The following LUC7L3 variants were observed in gnomAD, a reference collection of about 807,000 sequenced individuals.
The protein encoded by LUC7L3 is LUC7 like 3 pre-mRNA splicing factor, also known as luc7-like protein 3.
In LUC7L3, 6 loss-of-function variants were observed where a neutral mutation model predicts 66.8. The observed-to-expected ratio is 0.09, with a 90% CI of 0.05 to 0.18. The LOEUF (loss-of-function observed/expected upper bound fraction) is 0.18. Ranked by LOEUF, LUC7L3 falls within the 10% of genes least tolerant of loss-of-function variation. LUC7L3 has a pLI of 1.00. For missense variants in LUC7L3, 341 were observed against 531.1 expected (o/e 0.64, Z 3.52); for synonymous variants, 160 against 174.7 (o/e 0.92, Z 0.66).
In LUC7L3 at chr17:50,754,063, G is replaced by A. The variant is rs1376397060; in HGVS notation, c.*3402G>A. ...CTGATTGTTGCTAACCAGCTCACAA[G>A]AATCCAGTATTGAGACCAGTTCACT... On this transcript the variant is annotated 3_prime_UTR_variant, in exon 10 of 10. Transcript: ENST00000505658. The A allele has an allele frequency of 6.6e-6, 1 of 152,158 alleles. No homozygotes were observed. Among genetic ancestry groups the A allele is most frequent in the Non-Finnish European group, 1.5e-5 (1 of 68,030 alleles). 9.4% of individuals were successfully genotyped at this position (152,158 alleles called of 1,614,324 possible). A position where few individuals can be genotyped will look rare whatever the true frequency, so the allele number is the denominator to read the frequency against.
At chr17:50,744,396 T>A (rs1191327533) in intron 6 of LUC7L3, among the ~76,000 whole-genome samples, 1 of 152,220 alleles carries the variant, frequency 6.6e-6, no homozygotes, top group Non-Finnish European at 1.5e-5. Flanking sequence ...GTGATTTAAA[T>A]TTTGTAAGGT....
intron 1 of LUC7L3, among the ~76,000 whole-genome samples, chr17:50,725,891 A>T (rs1433171831): frequency 6.6e-6 from 1 of 152,212 alleles, no homozygotes; most frequent in Non-Finnish European, 1.5e-5. Flanking sequence ...TGGTGCCACT[A>T]GCAGTCCAGA....
chr17:50,753,840 TAATA>T lies in LUC7L3; in HGVS notation c.*3183_*3186del, dbSNP rs1425014893. ...ACGTCTAACTAACTTAAATGAAGTATAATAAATGAGTTCATATGAAAAGGCTTCC... is the reference window on the plus strand; with the variant it reads ...ACGTCTAACTAACTTAAATGAAGTATAATGAGTTCATATGAAAAGGCTTCC... On this transcript the variant is annotated 3_prime_UTR_variant, in exon 10 of 10. Coordinates refer to ENST00000505658, the MANE Select transcript of LUC7L3 (RefSeq NM_016424.5). The T allele has an allele frequency of 6.6e-6, 1 of 152,194 alleles. No homozygotes were observed. The highest frequency in any genetic ancestry group is 1.5e-5 in the Non-Finnish European group (1 of 68,026). The allele number at this position is 152,194 out of a possible 1,614,324, so 9.4% of individuals were successfully genotyped here. A position where few individuals can be genotyped will look rare whatever the true frequency, so the allele number is the denominator to read the frequency against.
Position 50,746,462 on chromosome 17 carries a change from GTTAA to G in LUC7L3, c.978-74_978-71del, listed in dbSNP as rs148354743. On this transcript the variant is annotated intron_variant, in intron 8 of 9. Transcript: ENST00000505658. ...TAGAGGGTAAGTTTTGCCTAGTCTTGTTAATTAATAGCATCTACTCCAAGGCCTT... is the reference window on the plus strand; with the variant it reads ...TAGAGGGTAAGTTTTGCCTAGTCTTGTTAATAGCATCTACTCCAAGGCCTT... 1.5e-4 allele frequency: 197 copies of G among 1,288,566 alleles called. 3 individuals are homozygous for G. In the South Asian group the frequency reaches 2.5e-3, roughly 17 times the overall value. 79.8% of individuals were successfully genotyped at this position (1,288,566 alleles called of 1,614,324 possible).
chr17:50,733,281 T>C (rs1025195445), intron 1 of LUC7L3, among the ~76,000 whole-genome samples: 1 of 151,488 alleles, frequency 6.6e-6, no homozygotes, highest in Non-Finnish European at 1.5e-5. Context: ...TCTCGCTCTA[T>C]CACCCGGTGG....
At chr17:50,738,757 C>G (rs1970155652) in intron 2 of LUC7L3, among the ~76,000 whole-genome samples, 1 of 152,012 alleles carries the variant, frequency 6.6e-6, no homozygotes, top group Admixed American at 6.6e-5. Context: ...AGAATAAAAG[C>G]AGAGGGAATT....
chr17:50,737,367 A>T (rs1442481614), intron 2 of LUC7L3: 1 of 471,182 alleles, frequency 2.1e-6, no homozygotes, highest in East Asian at 6.4e-5. Context: ...GTAGCAGCAA[A>T]CGCAACAGAG....
intron 1 of LUC7L3, among the ~76,000 whole-genome samples, chr17:50,731,815 A>G (rs1052126691): frequency 1.3e-5 from 2 of 152,222 alleles, no homozygotes; most frequent in Admixed American, 6.5e-5. Context: ...TGGTTAGCCC[A>G]CAGACAGGCA....
At chr17:50,736,357 A>G (rs1969984230) in intron 1 of LUC7L3, among the ~76,000 whole-genome samples, 1 of 152,178 alleles carries the variant, frequency 6.6e-6, no homozygotes, top group African/African-American at 2.4e-5. Context: ...TACTGTGGGA[A>G]CCCACCAAGA....
chr17:50,741,317 T>G, intron 4 of LUC7L3, 71 bp downstream of exon 4: 1 of 1,451,544 alleles, frequency 6.9e-7, no homozygotes, highest in East Asian at 2.4e-5. Context: ...CCCTAATATT[T>G]TTGAAACTTG....
chr17:50,749,641 T>C (rs1483659567), intron 9 of LUC7L3, among the ~76,000 whole-genome samples: 1 of 152,220 alleles, frequency 6.6e-6, no homozygotes, highest in African/African-American at 2.4e-5. Flanking sequence ...TTAACTACTC[T>C]GCCAGACCAG....
intron 2 of LUC7L3, 176 bp from the exon 3 acceptor site, chr17:50,740,130 A>G: frequency 1.8e-6 from 1 of 560,072 alleles, no homozygotes; most frequent in East Asian, 3.2e-5. Flanking sequence ...TCAATTTTAT[A>G]TCCTATTTGG....
chr17:50,740,201 A>C (rs2146747689), intron 2 of LUC7L3, 105 bp from the exon 3 acceptor site: 1 of 837,300 alleles, frequency 1.2e-6, no homozygotes, highest in South Asian at 1.6e-5. Context: ...TCAGTGATAA[A>C]GTGAATCCTT....
intron 1 of LUC7L3, chr17:50,724,097 TGCCCAATTTAGCAATATTA>T: frequency 3.0e-6 from 1 of 337,678 alleles, no homozygotes; most frequent in Non-Finnish European, 6.0e-6. Flanking sequence ...CATGTACCCA[TGCCCAATTTAGCAATATTA>T]GCACATAGTC....
intron 5 of LUC7L3, among the ~76,000 whole-genome samples, chr17:50,742,823 T>G (rs1342535637): frequency 6.6e-6 from 1 of 152,204 alleles, no homozygotes; most frequent in Non-Finnish European, 1.5e-5. Flanking sequence ...CTGGAATCAA[T>G]TAAAATACCC....
intron 1 of LUC7L3, among the ~76,000 whole-genome samples, chr17:50,733,618 A>G (rs1025544360): frequency 5.9e-5 from 9 of 151,700 alleles, no homozygotes; most frequent in African/African-American, 1.9e-4. Flanking sequence ...AGCCAGGATG[A>G]TCTCAATCTC....
At chr17:50,732,826 T>A (rs774538353) in intron 1 of LUC7L3, among the ~76,000 whole-genome samples, 4 of 152,140 alleles carry the variant, frequency 2.6e-5, no homozygotes, top group Non-Finnish European at 5.9e-5. Context: ...CACCTCCACC[T>A]TTGAGGCTCA....
chr17:50,747,705 G>T (rs530022817), intron 9 of LUC7L3, among the ~76,000 whole-genome samples: 16 of 152,144 alleles, frequency 1.1e-4, no homozygotes, highest in Non-Finnish European at 2.4e-4. Flanking sequence ...AGAACTAGCA[G>T]CACAAACCAT....
chr17:50,745,883 A>G lies in LUC7L3; in HGVS notation c.857A>G (p.Asp286Gly). ...EEEREKERAR[D>G]RERRKRSRSR... The stretch of plus-strand genomic sequence containing the variant: ...GAAAGAGAAAAAGAAAGGGCTCGTG[A>G]CAGAGAAAGAAGAAAGAGAAGTCGT... Residue 286 changes from aspartate to glycine, a missense_variant, in exon 8 of 10, where the codon GAC becomes GGC. By Grantham distance (94) the Asp-to-Gly change is moderately conservative (BLOSUM62 -1). Coordinates refer to ENST00000505658, the MANE Select transcript of LUC7L3 (RefSeq NM_016424.5). 1 of 1,610,796 alleles carries G rather than the reference A, an allele frequency of 6.2e-7. No homozygotes were observed. Among genetic ancestry groups the G allele is most frequent in the South Asian group, 1.1e-5 (1 of 90,722 alleles).
Sources: allele counts gnomAD v4.1 joint callset (sites outside exome capture counted in the v4.1 genomes callset), GRCh38; gene constraint gnomAD v4.1.1; transcripts MANE v1.5; gene names NCBI Gene and HGNC (gene_info 2026-07-23, HGNC 2026-07-21).